Variants in FRMD5 observed in about 807,000 individuals in gnomAD.
FRMD5 encodes the protein FERM domain-containing protein 5.
A neutral mutation model predicts 69.0 loss-of-function variants in FRMD5; 20 were observed. That is an observed-to-expected ratio of 0.29 (90% CI 0.20 to 0.42). The LOEUF (loss-of-function observed/expected upper bound fraction) is 0.42. Ranked by LOEUF, FRMD5 falls within the 10% of genes least tolerant of loss-of-function variation. FRMD5 has a pLI of 1.00. For synonymous variants in FRMD5, 271 were observed against 260.1 expected, an observed-to-expected ratio of 1.04 and a Z score of -0.40; for missense variants, 595 against 708.6, an observed-to-expected ratio of 0.84 and a Z score of 1.82.
intron 1 of FRMD5, among the ~76,000 whole-genome samples, chr15:44,088,609 T>C (rs1221272912): frequency 6.6e-6 from 1 of 152,148 alleles, no homozygotes; most frequent in Non-Finnish European, 1.5e-5. Context: ...AAACCTTGGG[T>C]GTACAGAGAG....
At chr15:44,182,057 C>T (rs1247664934) in intron 1 of FRMD5, among the ~76,000 whole-genome samples, 2 of 150,590 alleles carry the variant, frequency 1.3e-5, no homozygotes, top group Non-Finnish European at 2.9e-5. Flanking sequence ...GTCGCCCAGG[C>T]TGAAGTCTAG....
intron 1 of FRMD5, among the ~76,000 whole-genome samples, chr15:44,108,500 C>T (rs549944989): frequency 1.3e-5 from 2 of 152,092 alleles, no homozygotes; most frequent in South Asian, 2.1e-4. Context: ...CAAAATTAGC[C>T]GAGCGTGGTG....
At chr15:44,020,530 G>T (rs1274820389) in intron 1 of FRMD5, among the ~76,000 whole-genome samples, 1 of 152,196 alleles carries the variant, frequency 6.6e-6, no homozygotes, top group Non-Finnish European at 1.5e-5. Flanking sequence ...GGGTCACCAT[G>T]AATGTATGAA....
upstream of FRMD5, among the ~76,000 whole-genome samples, chr15:44,196,388 C>T (rs905696281): frequency 6.6e-6 from 1 of 151,752 alleles, no homozygotes; most frequent in African/African-American, 2.4e-5. Flanking sequence ...CGCTTGAACC[C>T]AGGAGGCAGA....
rs577222599 is a variant in FRMD5, at chr15:44,032,517, A to C, written c.103-108208T>G. On this transcript the variant is annotated intron_variant, in intron 1 of 13. Transcript: ENST00000417257. ...CTTAAATTTACAAGAAAAAACAAAC[A>C]ACCCCATTAAAAAGTGGGCAAAGGA... is the stretch of plus-strand genomic sequence containing the variant. 2.0e-5 allele frequency among the ~76,000 whole-genome samples: 3 copies of C among 152,306 alleles called. No individual in the cohort carries two copies. In the East Asian group the frequency reaches 5.8e-4, roughly 29 times the overall value.
At chr15:43,935,732 C>T (rs1011208072) in intron 1 of FRMD5, among the ~76,000 whole-genome samples, 9 of 152,118 alleles carry the variant, frequency 5.9e-5, no homozygotes, top group Admixed American at 2.6e-4. Flanking sequence ...TTGAGCCCAG[C>T]GGCTCCCTGA....
At chr15:43,922,599 C>T (rs1679432613) in intron 2 of FRMD5, among the ~76,000 whole-genome samples, 1 of 151,914 alleles carries the variant, frequency 6.6e-6, no homozygotes, top group Non-Finnish European at 1.5e-5. Flanking sequence ...GAACAGGATA[C>T]AATTCGCCTT....
intron 7 of FRMD5, chr15:43,901,789 A>G (rs2089051615): frequency 9.4e-6 from 2 of 212,352 alleles, no homozygotes; most frequent in African/African-American, 2.4e-5. Context: ...ACTGCAGTCA[A>G]TAAAACCCAC....
intron 1 of FRMD5, among the ~76,000 whole-genome samples, chr15:44,187,599 C>T (rs1169932779): frequency 6.7e-6 from 1 of 149,706 alleles, no homozygotes; most frequent in Non-Finnish European, 1.5e-5. Context: ...ACAGCGTTTC[C>T]ATCTGTAGCC....
rs189721856 is a variant in FRMD5, at chr15:43,881,290, T to C, written c.1135+2413A>G. 2.2e-3 allele frequency among the ~76,000 whole-genome samples: 328 copies of C among 152,300 alleles called. 2 individuals are homozygous for C. The highest frequency in any genetic ancestry group is 9.0e-4 in the Non-Finnish European group (61 of 68,024). ...AAAGGCCACAGAGGGGAGAAAGTTA[T>C]GTTTCCTCAGAGAATTTCATTCTAC... On this transcript the variant is annotated intron_variant, in intron 13 of 13. Coordinates refer to ENST00000417257, the MANE Select transcript of FRMD5 (RefSeq NM_032892.5).
chr15:44,127,645 G>A (rs1312608613), intron 1 of FRMD5, among the ~76,000 whole-genome samples: 1 of 152,130 alleles, frequency 6.6e-6, no homozygotes, highest in Admixed American at 6.5e-5. Flanking sequence ...AAACTGAAGC[G>A]AGAGGATCAC....
chr15:43,956,792 G>C (rs987541275), intron 1 of FRMD5, among the ~76,000 whole-genome samples: 1 of 152,200 alleles, frequency 6.6e-6, no homozygotes, highest in Non-Finnish European at 1.5e-5. Flanking sequence ...AATTTCAGAA[G>C]AAGTAAAGCA....
At chr15:43,931,858 A>T (rs1341329308) in intron 1 of FRMD5, among the ~76,000 whole-genome samples, 1 of 151,882 alleles carries the variant, frequency 6.6e-6, no homozygotes, top group African/African-American at 2.4e-5. Flanking sequence ...TTCCTTTTCA[A>T]CTCTCCTATC....
At chr15:43,890,661 G>A (rs1478982180) in intron 8 of FRMD5, among the ~76,000 whole-genome samples, 1 of 152,170 alleles carries the variant, frequency 6.6e-6, no homozygotes, top group Non-Finnish European at 1.5e-5. Flanking sequence ...TTCACCCAGA[G>A]AGCACAGTGA....
chr15:43,996,552 A>G (rs957136813), intron 1 of FRMD5, among the ~76,000 whole-genome samples: 21 of 152,076 alleles, frequency 1.4e-4, no homozygotes, highest in African/African-American at 5.1e-4. Context: ...ATTTTCATGC[A>G]TGGATAGTTG....
At chr15:43,980,950 T>C (rs1326275562) in intron 1 of FRMD5, among the ~76,000 whole-genome samples, 1 of 152,144 alleles carries the variant, frequency 6.6e-6, no homozygotes, top group Admixed American at 6.6e-5. Flanking sequence ...ACTTAACTAC[T>C]AACAGCTTAC....
At chr15:43,969,875 T>C (rs2140572006) in intron 1 of FRMD5, among the ~76,000 whole-genome samples, 1 of 152,350 alleles carries the variant, frequency 6.6e-6, no homozygotes, top group African/African-American at 2.4e-5. Context: ...AATGTACTTT[T>C]ATTGGAGTTA....
chr15:44,062,729 G>A (rs1000634247), intron 1 of FRMD5, among the ~76,000 whole-genome samples: 1 of 150,842 alleles, frequency 6.6e-6, no homozygotes, highest in African/African-American at 2.4e-5. Context: ...AATGTACATA[G>A]GTTACATGCA....
chr15:43,878,991 G>A (rs552749133), intron 13 of FRMD5, among the ~76,000 whole-genome samples: 1 of 138,196 alleles, frequency 7.2e-6, no homozygotes, highest in Admixed American at 7.9e-5. Flanking sequence ...AGGCTGGAGT[G>A]CAATGGTGCA....
Sources: gnomAD v4.1 joint callset for allele counts (sites outside exome capture counted in the v4.1 genomes callset) on GRCh38, gnomAD v4.1.1 for gene constraint, MANE v1.5 for transcripts, NCBI Gene and HGNC (gene_info 2026-07-23, HGNC 2026-07-21) for gene names.